The following CEP83 variants were observed in gnomAD, a reference collection of about 807,000 sequenced individuals.
CEP83 encodes the protein centrosomal protein of 83 kDa.
In CEP83, 70 loss-of-function variants were observed where a neutral mutation model predicts 101.9. The ratio of observed to expected loss-of-function variants is 0.69; its 90% CI spans 0.57 to 0.84. The LOEUF is 0.84. Ranked by LOEUF, CEP83 falls within the 40% of genes least tolerant of loss-of-function variation. The probability of loss-of-function intolerance (pLI) is 0.00; values close to 1 mark genes in which losing one functional copy is unlikely to be tolerated. For synonymous variants in CEP83, 264 were observed against 267.9 expected (o/e 0.99, Z 0.14); for missense variants, 715 against 787.2 (o/e 0.91, Z 1.10).
At chr12:94,332,994 T>C (rs1378502258) in intron 13 of CEP83, among the ~76,000 whole-genome samples, 1 of 145,310 alleles carries the variant, frequency 6.9e-6, no homozygotes, top group Non-Finnish European at 1.5e-5. Context: ...ACAATCATTT[T>C]ATCCCTACCA....
chr12:94,348,679 G>C (rs1264643459), intron 11 of CEP83, among the ~76,000 whole-genome samples: 1 of 152,132 alleles, frequency 6.6e-6, no homozygotes, highest in East Asian at 1.9e-4. Flanking sequence ...ATCTACTACA[G>C]CTTTCTGAAT....
chr12:94,305,247 G>A, downstream of CEP83: 2 of 1,611,286 alleles, frequency 1.2e-6, no homozygotes, highest in Non-Finnish European at 1.7e-6. Flanking sequence ...GCATGTAAAA[G>A]TCTTATTTGA....
chr12:94,268,588 C>CT, the CEP83 span, among the ~76,000 whole-genome samples: 23,520 of 90,802 alleles, frequency 0.26, 3,414 homozygotes, highest in Non-Finnish European at 0.32. Context: ...AGAATAAGAC[C>CT]TTTTTTTTTT....
At chr12:94,311,383 G>A (rs1969839735) in intron 15 of CEP83, among the ~76,000 whole-genome samples, 1 of 152,184 alleles carries the variant, frequency 6.6e-6, no homozygotes, top group Admixed American at 6.5e-5. Context: ...AACATGATGA[G>A]CAGGTCATGG....
chr12:94,318,815 A>G (rs1375018137), intron 14 of CEP83, among the ~76,000 whole-genome samples: 1 of 152,172 alleles, frequency 6.6e-6, no homozygotes, highest in Non-Finnish European at 1.5e-5. Flanking sequence ...TCGGTTTGTA[A>G]GCATTTTGTT....
chr12:94,343,210 T>C (rs1371471653), intron 11 of CEP83, among the ~76,000 whole-genome samples: 3 of 151,918 alleles, frequency 2.0e-5, no homozygotes, highest in Non-Finnish European at 4.4e-5. Flanking sequence ...TGGGACTAAG[T>C]GACTATAGTT....
chr12:94,389,658 G>A (rs1312640706), intron 6 of CEP83, among the ~76,000 whole-genome samples: 1 of 152,208 alleles, frequency 6.6e-6, no homozygotes, highest in South Asian at 2.1e-4. Flanking sequence ...AGCTGAAGCA[G>A]GGCGGGGCAT....
chr12:94,384,013 G>T (rs527978147), intron 6 of CEP83, among the ~76,000 whole-genome samples: 1 of 152,270 alleles, frequency 6.6e-6, no homozygotes, highest in Non-Finnish European at 1.5e-5. Context: ...GCAAAAGGAA[G>T]TCTATTACAT....
At chr12:94,374,630 AG>A (rs1466708216) in intron 8 of CEP83, among the ~76,000 whole-genome samples, 1 of 152,336 alleles carries the variant, frequency 6.6e-6, no homozygotes, top group East Asian at 1.9e-4. Flanking sequence ...GTAGGCTGGA[AG>A]GGTTCTTACA....
chr12:94,266,525 G>A, the CEP83 span, among the ~76,000 whole-genome samples: 2,302 of 152,268 alleles, frequency 0.015, 57 homozygotes, highest in Admixed American at 0.017. Context: ...GTAAATCCAG[G>A]CTGTGGCCTG....
the CEP83 span, among the ~76,000 whole-genome samples, chr12:94,281,503 G>C: frequency 2.6e-5 from 4 of 152,116 alleles, no homozygotes; most frequent in African/African-American, 9.7e-5. Context: ...TTGCCATGTG[G>C]ACTACAGATT....
chr12:94,333,671 C>T (rs375033163), intron 12 of CEP83, 32 bp from the exon 13 acceptor site: 8 of 1,601,318 alleles, frequency 5.0e-6, no homozygotes, highest in Non-Finnish European at 6.8e-6. Flanking sequence ...TAAATTAAAG[C>T]CCACTAAATA....
At chr12:94,408,456 GGTAAA>G (rs1328524494) in intron 4 of CEP83, among the ~76,000 whole-genome samples, 14 of 151,952 alleles carry the variant, frequency 9.2e-5, no homozygotes, top group Admixed American at 9.2e-4. Flanking sequence ...ATTAATCATT[GGTAAA>G]GTAATTTCCG....
At chr12:94,438,619 A>ATTAAGT (rs1486129974) in intron 1 of CEP83, among the ~76,000 whole-genome samples, 1 of 152,236 alleles carries the variant, frequency 6.6e-6, no homozygotes. Flanking sequence ...CTCCACTAAC[A>ATTAAGT]GCACTAGACA....
chr12:94,318,920 C>CACAG (rs1293849150), intron 14 of CEP83, among the ~76,000 whole-genome samples: 4 of 152,162 alleles, frequency 2.6e-5, no homozygotes, highest in Admixed American at 6.6e-5. Flanking sequence ...ATGCTGGCTT[C>CACAG]ACAGAATGAT....
At position 94,369,970 on chromosome 12, in the gene CEP83, T is replaced by C. The variant is rs762393968; in HGVS notation, c.1000A>G (p.Lys334Glu). 6.8e-6 allele frequency: 11 copies of C among 1,611,002 alleles called. No individual in the cohort carries two copies. Among genetic ancestry groups the C allele is most frequent in the Non-Finnish European group, 8.5e-6 (10 of 1,177,652 alleles). ...TDIKLETARAKSELERERNKI... is the reference protein window; with the variant it reads ...TDIKLETARAESELERERNKI... ...TTCCTTTCTCTTTCTAGCTCACTCT[T>C]AGCTCTTGCTGTCTCCAGTTTGATG... is the stretch of plus-strand genomic sequence containing the variant. Residue 334 changes from lysine (K) to glutamate (E), a missense_variant, in exon 9 of 17, where the codon AAG becomes GAG. By Grantham distance (56) the Lys-to-Glu change is moderately conservative (BLOSUM62 1). Coordinates refer to ENST00000397809, the MANE Select transcript of CEP83 (RefSeq NM_016122.3).
chr12:94,278,242 AC>A, the CEP83 span: 2 of 353,822 alleles, frequency 5.7e-6, no homozygotes, highest in African/African-American at 4.3e-5. Context: ...TTCACACCAT[AC>A]CCAAGCCTTT....
At chr12:94,297,306 T>G in the CEP83 span, 14 of 1,613,138 alleles carry the variant, frequency 8.7e-6, no homozygotes, top group African/African-American at 2.7e-5. Context: ...TTCTGCTGTC[T>G]TCCCTTCAGA....
intron 2 of CEP83, chr12:94,424,084 C>CT (rs1003568136): frequency 6.2e-7 from 1 of 1,609,996 alleles, no homozygotes; most frequent in African/African-American, 1.3e-5. Context: ...GAGGAGATGT[C>CT]TGAGTCACTC....
Sources: allele counts gnomAD v4.1 joint callset (sites outside exome capture counted in the v4.1 genomes callset), GRCh38; gene constraint gnomAD v4.1.1; transcripts MANE v1.5; gene names NCBI Gene and HGNC (gene_info 2026-07-23, HGNC 2026-07-21).